Variants in PCDHA1 observed in about 807,000 individuals in gnomAD.
The protein encoded by PCDHA1 is protocadherin alpha 1.
PCDHA1 carries 42 observed loss-of-function variants against 61.3 expected under a neutral mutation model. The observed-to-expected ratio is 0.69, with a 90% CI of 0.54 to 0.89. The LOEUF (loss-of-function observed/expected upper bound fraction) is 0.89. Among genes scored for constraint, PCDHA1 ranks in the 40% least tolerant of loss-of-function variants. The probability of loss-of-function intolerance (pLI) is 0.00; values close to 1 mark genes in which losing one functional copy is unlikely to be tolerated. For synonymous variants in PCDHA1, 610 were observed against 553.8 expected, an observed-to-expected ratio of 1.10 and a Z score of -1.43; for missense variants, 1,256 against 1,235.3, an observed-to-expected ratio of 1.02 and a Z score of -0.25.
chr5:140,843,417 A>G, intron 1 of PCDHA1: 1 of 1,595,970 alleles, frequency 6.3e-7, no homozygotes, highest in South Asian at 1.1e-5. Context: ...GTCAACGTGT[A>G]CCTGATCATC....
intron 1 of PCDHA1, among the ~76,000 whole-genome samples, chr5:140,897,200 T>C (rs1462263623): frequency 1.3e-5 from 2 of 152,172 alleles, no homozygotes; most frequent in African/African-American, 4.8e-5. Context: ...TTTTTTATTA[T>C]ACTTTAAGTT....
intron 1 of PCDHA1, among the ~76,000 whole-genome samples, chr5:140,847,077 G>T (rs2150397168): frequency 6.7e-6 from 1 of 149,668 alleles, no homozygotes; most frequent in East Asian, 1.9e-4. Flanking sequence ...ATGACAAGTA[G>T]AAAAGTCCAC....
At chr5:140,994,059 A>G (rs2097593470) in intron 3 of PCDHA1, among the ~76,000 whole-genome samples, 5 of 152,174 alleles carry the variant, frequency 3.3e-5, no homozygotes, top group Admixed American at 3.3e-4. Context: ...GCCCTTATAA[A>G]TCTAATGGTG....
chr5:140,923,865 A>G (rs1422887617), intron 1 of PCDHA1, among the ~76,000 whole-genome samples: 1 of 152,226 alleles, frequency 6.6e-6, no homozygotes, highest in Non-Finnish European at 1.5e-5. Flanking sequence ...GGGAAGCCAA[A>G]AATCTGAGAA....
chr5:140,963,348 T>C (rs1415746589), intron 1 of PCDHA1, among the ~76,000 whole-genome samples: 7 of 152,234 alleles, frequency 4.6e-5, no homozygotes, highest in Admixed American at 4.6e-4. Context: ...GTAAATTTAG[T>C]TCTTTTCAAA....
chr5:140,953,464 T>C (rs2094890309), intron 1 of PCDHA1, among the ~76,000 whole-genome samples: 1 of 152,142 alleles, frequency 6.6e-6, no homozygotes. Flanking sequence ...GTCAGAGTTT[T>C]AACTTCCTCA....
intron 1 of PCDHA1, chr5:140,809,041 G>A (rs185992398): frequency 2.4e-5 from 38 of 1,613,844 alleles, no homozygotes; most frequent in Non-Finnish European, 3.1e-5. Flanking sequence ...CTGGTGGCGC[G>A]CGCATCCCGT....
chr5:140,838,002 T>A (rs183534156), intron 1 of PCDHA1, among the ~76,000 whole-genome samples: 97 of 151,706 alleles, frequency 6.4e-4, no homozygotes, highest in South Asian at 2.7e-3. Context: ...TCCTTTTTTT[T>A]AAAAAAAGAA....
At chr5:140,976,787 C>T (rs1460336492) in intron 1 of PCDHA1, among the ~76,000 whole-genome samples, 3 of 152,150 alleles carry the variant, frequency 2.0e-5, no homozygotes, top group Admixed American at 6.5e-5. Flanking sequence ...TATATAGCTA[C>T]GCTTTTATGA....
chr5:140,809,860 C>G (rs1305096062), intron 1 of PCDHA1: 4 of 291,016 alleles, frequency 1.4e-5, no homozygotes, highest in Non-Finnish European at 2.5e-5. Context: ...TTTTAGAAAA[C>G]ATTTTACTAT....
chr5:140,967,472 G>A, intron 1 of PCDHA1: 1 of 1,613,430 alleles, frequency 6.2e-7, no homozygotes, highest in Non-Finnish European at 8.5e-7. Flanking sequence ...GGGCATCCCA[G>A]CCCGCTCGGG....
intron 1 of PCDHA1, among the ~76,000 whole-genome samples, chr5:140,939,868 T>C (rs868982739): frequency 2.6e-5 from 4 of 152,340 alleles, no homozygotes; most frequent in Middle Eastern, 6.8e-3. Flanking sequence ...CATTAGGTCA[T>C]CTTTGCTAGT....
Position 140,828,379 on chromosome 5 carries a change from C to T in PCDHA1, c.2394+39695C>T, listed in dbSNP as rs2150154694. The T allele has an allele frequency of 1.9e-6, 3 of 1,614,236 alleles. No individual in the cohort carries two copies. In the South Asian group the frequency reaches 3.3e-5, roughly 18 times the overall value. On this transcript the variant is annotated intron_variant, in intron 1 of 3. Transcript: ENST00000504120. ...CTCGGATCGACCGCGAGGAGCTGTG[C>T]GGGCGGAGCGCGGAGTGCAGCATCC...
chr5:140,827,680 C>A (rs2150148724), intron 1 of PCDHA1, among the ~76,000 whole-genome samples: 1 of 152,178 alleles, frequency 6.6e-6, no homozygotes, highest in Admixed American at 6.5e-5. Context: ...CTTAAATTTG[C>A]TGAACTGGTT....
chr5:140,924,704 G>A (rs6883852), intron 1 of PCDHA1, among the ~76,000 whole-genome samples: 1 of 152,052 alleles, frequency 6.6e-6, no homozygotes, highest in Non-Finnish European at 1.5e-5. Flanking sequence ...AGACCAGCTT[G>A]TGCAACATGG....
intron 3 of PCDHA1, among the ~76,000 whole-genome samples, chr5:141,007,395 CAAAAAAA>C (rs35800918): frequency 2.2e-3 from 204 of 94,846 alleles, no homozygotes; most frequent in African/African-American, 7.3e-3. Flanking sequence ...TACTAAAATA[CAAAAAAA>C]AAAAAAAAAA....
In PCDHA1 at chr5:140,877,117, G is replaced by A. The variant is rs781979355; in HGVS notation, c.2394+88433G>A. The A allele has an allele frequency of 9.3e-6, 15 of 1,613,720 alleles. No homozygotes were observed. The East Asian group carries it at 1.8e-4, about 19-fold the overall frequency. ...CGGCGTGCCGCCTCTGGGCAGCAAC[G>A]TGACGCTGCAGGTGTTCGTGCTGGA... On this transcript the variant is annotated intron_variant, in intron 1 of 3. Coordinates refer to ENST00000504120, the MANE Select transcript of PCDHA1 (RefSeq NM_018900.4).
At chr5:140,925,231 G>A (rs2082401450) in intron 1 of PCDHA1, among the ~76,000 whole-genome samples, 1 of 152,154 alleles carries the variant, frequency 6.6e-6, no homozygotes, top group Non-Finnish European at 1.5e-5. Flanking sequence ...GTTTCTACCA[G>A]AAAATATGTC....
chr5:140,857,101 C>T (rs781855221), intron 1 of PCDHA1: 2 of 1,597,612 alleles, frequency 1.3e-6, no homozygotes, highest in Non-Finnish European at 1.7e-6. Flanking sequence ...AGGTGATTGT[C>T]ACTTCTCTGT....
Sources: allele counts gnomAD v4.1 joint callset (sites outside exome capture counted in the v4.1 genomes callset), GRCh38; gene constraint gnomAD v4.1.1; transcripts MANE v1.5; gene names NCBI Gene and HGNC (gene_info 2026-07-23, HGNC 2026-07-21).